The following CD38 variants were observed in gnomAD, a reference collection of about 807,000 sequenced individuals.
The protein encoded by CD38 is CD38 molecule.
A neutral mutation model predicts 36.3 loss-of-function variants in CD38; 31 were observed. The observed-to-expected ratio is 0.85, with a 90% confidence interval of 0.64 to 1.15. CD38 has a LOEUF of 1.15. CD38 is among the 50% of genes most tolerant of loss of function. CD38 has a pLI of 0.00. For missense variants in CD38, 380 were observed against 371.9 expected (o/e 1.02, Z -0.18); for synonymous variants, 131 against 135.2 (o/e 0.97, Z 0.22).
At chr4:15,783,026 G>T (rs1393155532) in intron 1 of CD38, among the ~76,000 whole-genome samples, 2 of 152,166 alleles carry the variant, frequency 1.3e-5, no homozygotes, top group Non-Finnish European at 2.9e-5. Flanking sequence ...TGAACCAGGG[G>T]CATTACATGC....
intron 1 of CD38, among the ~76,000 whole-genome samples, chr4:15,799,112 T>C (rs928046182): frequency 1.3e-5 from 2 of 152,212 alleles, no homozygotes; most frequent in Non-Finnish European, 2.9e-5. Flanking sequence ...CACAAAAGGG[T>C]TATAAATATT....
At chr4:15,820,797 A>G (rs1187115732) in intron 2 of CD38, among the ~76,000 whole-genome samples, 1 of 152,220 alleles carries the variant, frequency 6.6e-6, no homozygotes, top group Non-Finnish European at 1.5e-5. Context: ...GAAAATTAGC[A>G]AAGATATTCA....
intron 1 of CD38, among the ~76,000 whole-genome samples, chr4:15,809,741 G>A (rs1162224336): frequency 3.9e-5 from 6 of 152,066 alleles, no homozygotes; most frequent in Non-Finnish European, 7.4e-5. Flanking sequence ...ACCCCTAGAC[G>A]TCTCCTGATG....
At chr4:15,814,876 G>A (rs554459522) in intron 1 of CD38, among the ~76,000 whole-genome samples, 3 of 151,048 alleles carry the variant, frequency 2.0e-5, no homozygotes, top group African/African-American at 7.3e-5. Flanking sequence ...GCACGATCTC[G>A]GCTCACTGCA....
chr4:15,778,773 G>C lies in CD38; in HGVS notation c.233+126G>C. The stretch of plus-strand genomic sequence containing the variant: ...GGCGGGTCAGCCGAGAGCCCGCCGG[G>C]TGGTGCTGAGTAGGGAGTCCCGGGC... On this transcript the variant is annotated intron_variant, in intron 1 of 7. Coordinates refer to ENST00000226279, the MANE Select transcript of CD38 (RefSeq NM_001775.4). The surrounding 1 kb of genome is among the most constrained non-coding windows in gnomAD (Gnocchi z 4.9). 1 of 674,224 alleles carries C rather than the reference G, an allele frequency of 1.5e-6. No homozygotes were observed. Among genetic ancestry groups the C allele is most frequent in the Non-Finnish European group, 2.5e-6 (1 of 398,500 alleles). The allele number at this position is 674,224 out of a possible 1,614,324, so 41.8% of individuals were successfully genotyped here.
chr4:15,851,380 C>T lies in CD38; in HGVS notation c.*2778C>T, dbSNP rs1724383107. ...TACACCTCATATTTTACTCGTAAAT[C>T]TACTACTCCCTGTCTGCCTACTCCA... On this transcript the variant is annotated 3_prime_UTR_variant, in exon 8 of 8. Transcript: ENST00000226279. The T allele has an allele frequency of 6.6e-6, 1 of 152,184 alleles. No homozygotes were observed. Among genetic ancestry groups the T allele is most frequent in the Non-Finnish European group, 1.5e-5 (1 of 68,034 alleles). 9.4% of individuals were successfully genotyped at this position (152,184 alleles called of 1,614,324 possible).
intron 1 of CD38, among the ~76,000 whole-genome samples, chr4:15,802,408 G>A (rs1723246016): frequency 6.6e-6 from 1 of 151,854 alleles, no homozygotes; most frequent in Non-Finnish European, 1.5e-5. Context: ...AATTTTCAAT[G>A]GCATTTTTCA....
intron 3 of CD38, among the ~76,000 whole-genome samples, chr4:15,832,721 CT>C (rs1215698249): frequency 1.3e-5 from 2 of 152,182 alleles, no homozygotes; most frequent in Non-Finnish European, 2.9e-5. Flanking sequence ...GCAGTAACCA[CT>C]TCCTAGCTGC....
At chr4:15,826,459 G>GCACGCACA (rs1222637407) in intron 3 of CD38, among the ~76,000 whole-genome samples, 3,902 of 146,412 alleles carry the variant, frequency 0.027, 168 homozygotes, top group African/African-American at 0.089. Flanking sequence ...ACTTTTGTGC[G>GCACGCACA]CACACACACA....
In CD38 at chr4:15,838,121, T is replaced by C. The variant is rs1205589577; in HGVS notation, c.615T>C (p.His205=). The C allele has an allele frequency of 2.5e-6, 4 of 1,613,990 alleles. No homozygotes were observed. The highest frequency in any genetic ancestry group is 3.4e-6 in the Non-Finnish European group (4 of 1,179,924). ...RFAEAACDVV[H]VMLNGSRSKI... Reference sequence around the variant, plus strand: ...CAGAAGCTGCCTGTGATGTGGTCCATGTGATGCTCAATGGATCCCGCAGTA... The same window carrying C: ...CAGAAGCTGCCTGTGATGTGGTCCACGTGATGCTCAATGGATCCCGCAGTA... Residue 205 remains histidine (H), a synonymous_variant, in exon 5 of 8, where the codon CAT becomes CAC. Coordinates refer to ENST00000226279, the MANE Select transcript of CD38 (RefSeq NM_001775.4).
chr4:15,824,511 T>C (rs1375757853), intron 2 of CD38, among the ~76,000 whole-genome samples: 1 of 152,140 alleles, frequency 6.6e-6, no homozygotes, highest in Non-Finnish European at 1.5e-5. Flanking sequence ...CACATCTTCC[T>C]GAAAATAGCA....
intron 1 of CD38, among the ~76,000 whole-genome samples, chr4:15,786,067 G>T (rs369598391): frequency 6.6e-6 from 1 of 152,178 alleles, no homozygotes; most frequent in African/African-American, 2.4e-5. Flanking sequence ...CTGTGCTCAG[G>T]AGTTAAGCTG....
intron 1 of CD38, among the ~76,000 whole-genome samples, chr4:15,804,406 AGTAATCTCGC>A (rs1723297722): frequency 6.6e-6 from 1 of 152,234 alleles, no homozygotes; most frequent in African/African-American, 2.4e-5. Flanking sequence ...CATATGATCC[AGTAATCTCGC>A]TACTGGACCT....
intron 1 of CD38, among the ~76,000 whole-genome samples, chr4:15,800,545 C>T (rs1355161669): frequency 6.6e-6 from 1 of 152,140 alleles, no homozygotes; most frequent in Non-Finnish European, 1.5e-5. Flanking sequence ...GCATTTCCCC[C>T]ATGACTAATG....
chr4:15,848,817 T>C lies in CD38; in HGVS notation c.*215T>C. The C allele has an allele frequency of 2.5e-6, 1 of 402,326 alleles. No individual in the cohort carries two copies. Among genetic ancestry groups the C allele is most frequent in the Non-Finnish European group, 4.4e-6 (1 of 224,744 alleles). The allele number at this position is 402,326 out of a possible 1,614,324, so 24.9% of individuals were successfully genotyped here. ...ATCTATCAATAGTCAAGAAAAATTATTGTATAAGATTAGAATGAAAATTGT... is the reference window on the plus strand; with the variant it reads ...ATCTATCAATAGTCAAGAAAAATTACTGTATAAGATTAGAATGAAAATTGT... On this transcript the variant is annotated 3_prime_UTR_variant, in exon 8 of 8. Coordinates refer to ENST00000226279, the MANE Select transcript of CD38 (RefSeq NM_001775.4).
intron 2 of CD38, among the ~76,000 whole-genome samples, chr4:15,821,693 CCAAAAA>C: frequency 9.4e-6 from 1 of 106,706 alleles, no homozygotes; most frequent in African/African-American, 4.7e-5. Context: ...TAAATACCAA[CCAAAAA>C]AAAAAAAAAA....
chr4:15,807,872 A>G (rs1171837111), intron 1 of CD38, among the ~76,000 whole-genome samples: 2 of 152,238 alleles, frequency 1.3e-5, no homozygotes, highest in Non-Finnish European at 2.9e-5. Flanking sequence ...ATTCCCTGGA[A>G]GATCATGTAA....
At chr4:15,783,906 C>A (rs888149809) in intron 1 of CD38, among the ~76,000 whole-genome samples, 2 of 152,174 alleles carry the variant, frequency 1.3e-5, no homozygotes, top group Non-Finnish European at 2.9e-5. Context: ...ACAACATGAG[C>A]AAAACAGCAA....
intron 4 of CD38, among the ~76,000 whole-genome samples, chr4:15,835,311 C>CTTAACATAATG (rs1325788907): frequency 3.4e-4 from 50 of 148,680 alleles, no homozygotes; most frequent in Middle Eastern, 6.9e-3. Context: ...GCTTACTTCA[C>CTTAACATAATG]TTAACATAAT....
Sources: allele counts gnomAD v4.1 joint callset (sites outside exome capture counted in the v4.1 genomes callset), GRCh38; gene constraint gnomAD v4.1.1; non-coding constraint Gnocchi (gnomAD v3.1); transcripts MANE v1.5; gene names NCBI Gene and HGNC (gene_info 2026-07-23, HGNC 2026-07-21).